The following MEF2A variants were observed in gnomAD, a reference collection of about 807,000 sequenced individuals.
MEF2A encodes myocyte-specific enhancer factor 2A.
MEF2A carries 28 observed loss-of-function variants against 55.8 expected under a neutral mutation model. The observed-to-expected ratio is 0.50, with a 90% confidence interval of 0.37 to 0.69. The LOEUF (loss-of-function observed/expected upper bound fraction) is 0.69, where lower values mean the gene tolerates loss of function less well. Ranked by LOEUF, MEF2A falls within the 30% of genes least tolerant of loss-of-function variation. The pLI is 0.00. For synonymous variants in MEF2A, 239 were observed against 227.1 expected (o/e 1.05, Z -0.47); for missense variants, 528 against 626.2 (o/e 0.84, Z 1.67).
rs747877505 is a variant in MEF2A at position 99,714,913 on chromosome 15, A to AG, written c.*2144dup. 1 of 148,020 alleles carries AG rather than the reference A, an allele frequency of 6.8e-6. No homozygotes were observed. Among genetic ancestry groups the AG allele is most frequent in the South Asian group, 2.1e-4 (1 of 4,690 alleles). The allele number at this position is 148,020 out of a possible 1,614,324, so 9.2% of individuals were successfully genotyped here. A position where few individuals can be genotyped will look rare whatever the true frequency, so the allele number is the denominator to read the frequency against. On this transcript the variant is annotated 3_prime_UTR_variant, in exon 12 of 12. Coordinates refer to ENST00000557942, the MANE Select transcript of MEF2A (RefSeq NM_001319206.4). The stretch of plus-strand genomic sequence containing the variant: ...ACTGACACATAGGTATGATCAGTGC[A>AG]GGAGAGACCTGCGCACCACAGGCTG...
intron 8 of MEF2A, among the ~76,000 whole-genome samples, chr15:99,702,149 A>C (rs2057463327): frequency 6.6e-6 from 1 of 152,258 alleles, no homozygotes; most frequent in African/African-American, 2.4e-5. Flanking sequence ...CTATAACAAA[A>C]CAGTTGAATA....
intron 1 of MEF2A, among the ~76,000 whole-genome samples, chr15:99,596,655 C>T (rs927002037): frequency 3.3e-5 from 5 of 152,126 alleles, no homozygotes; most frequent in Non-Finnish European, 5.9e-5. Flanking sequence ...GTTGAATCAC[C>T]GGATCATGCA....
intron 4 of MEF2A, among the ~76,000 whole-genome samples, chr15:99,664,187 A>G (rs1375873128): frequency 6.6e-6 from 1 of 152,214 alleles, no homozygotes; most frequent in African/African-American, 2.4e-5. Context: ...GAGACTAATA[A>G]TGTGTTACCT....
intron 4 of MEF2A, among the ~76,000 whole-genome samples, chr15:99,663,216 ATATT>A (rs1438628184): frequency 6.6e-6 from 1 of 152,154 alleles, no homozygotes; most frequent in African/African-American, 2.4e-5. Flanking sequence ...GTCCCTTGGG[ATATT>A]TATAAGTTCT....
intron 11 of MEF2A, among the ~76,000 whole-genome samples, chr15:99,711,312 G>A (rs1459909139): frequency 2.6e-5 from 4 of 152,184 alleles, no homozygotes; most frequent in African/African-American, 9.7e-5. Context: ...TATCAGTCAG[G>A]CTCCATAGGA....
chr15:99,690,862 C>A (rs182033393), intron 8 of MEF2A, among the ~76,000 whole-genome samples: 122 of 152,156 alleles, frequency 8.0e-4, no homozygotes, highest in African/African-American at 2.7e-3. Context: ...CACTTAGATA[C>A]AATAAATATA....
chr15:99,643,165 G>T (rs993102488), intron 3 of MEF2A, among the ~76,000 whole-genome samples: 2 of 152,074 alleles, frequency 1.3e-5, no homozygotes, highest in African/African-American at 4.8e-5. Flanking sequence ...TTTAGATTAC[G>T]TTACCTCTTT....
intron 4 of MEF2A, among the ~76,000 whole-genome samples, chr15:99,658,690 C>A (rs1267747817): frequency 2.6e-5 from 4 of 151,962 alleles, no homozygotes; most frequent in African/African-American, 9.7e-5. Flanking sequence ...AAACTATCCT[C>A]AAAAGAGTGC....
At chr15:99,696,193 G>C (rs909233652) in intron 8 of MEF2A, among the ~76,000 whole-genome samples, 1 of 152,172 alleles carries the variant, frequency 6.6e-6, no homozygotes, top group Non-Finnish European at 1.5e-5. Flanking sequence ...CTCAGTAACT[G>C]ATAGAACAAG....
intron 8 of MEF2A, among the ~76,000 whole-genome samples, chr15:99,693,307 C>T (rs1263665490): frequency 1.3e-5 from 2 of 152,098 alleles, no homozygotes; most frequent in Non-Finnish European, 2.9e-5. Flanking sequence ...AATGGTATAA[C>T]ATATTTATAA....
At chr15:99,680,068 T>G (rs555692556) in intron 7 of MEF2A, among the ~76,000 whole-genome samples, 1 of 152,286 alleles carries the variant, frequency 6.6e-6, no homozygotes, top group South Asian at 2.1e-4. Context: ...ATGCCAAGGT[T>G]GATGAAGTGA....
intron 4 of MEF2A, among the ~76,000 whole-genome samples, chr15:99,648,603 A>G (rs1596783156): frequency 6.6e-6 from 1 of 152,150 alleles, no homozygotes; most frequent in African/African-American, 2.4e-5. Flanking sequence ...TCTGAAAACA[A>G]CAACTTCCAT....
At chr15:99,671,246 C>G (rs1265231353) in intron 4 of MEF2A, 77 bp from the exon 5 acceptor site, 20 of 1,503,874 alleles carry the variant, frequency 1.3e-5, no homozygotes, top group Non-Finnish European at 1.7e-5. Context: ...TCCGTCTGTG[C>G]TCTCTTAATA....
At chr15:99,625,718 A>G (rs1381069163) in intron 2 of MEF2A, among the ~76,000 whole-genome samples, 16 of 152,002 alleles carry the variant, frequency 1.1e-4, no homozygotes, top group Admixed American at 1.0e-3. Context: ...CTTTTTCAGT[A>G]CTAATTTAGA....
At chr15:99,581,828 T>G (rs758937479) in intron 1 of MEF2A, among the ~76,000 whole-genome samples, 1 of 152,160 alleles carries the variant, frequency 6.6e-6, no homozygotes, top group African/African-American at 2.4e-5. Context: ...CAGGGAATGC[T>G]TCACGGAAGG....
intron 4 of MEF2A, among the ~76,000 whole-genome samples, chr15:99,654,202 A>G (rs1284094148): frequency 6.6e-6 from 1 of 152,132 alleles, no homozygotes; most frequent in Non-Finnish European, 1.5e-5. Context: ...ATATTTTGTG[A>G]AAGTTATTTG....
intron 1 of MEF2A, among the ~76,000 whole-genome samples, chr15:99,587,288 A>G (rs1260689737): frequency 1.3e-5 from 2 of 151,776 alleles, no homozygotes; most frequent in Non-Finnish European, 2.9e-5. Flanking sequence ...GCTCCCACTT[A>G]TGAGTGAGAA....
chr15:99,638,003 G>A (rs775887779), intron 3 of MEF2A, among the ~76,000 whole-genome samples: 8 of 152,150 alleles, frequency 5.3e-5, no homozygotes, highest in Non-Finnish European at 1.2e-4. Context: ...GTTTTAGTTT[G>A]CATTTCTCTG....
chr15:99,703,448 G>A (rs988557818), intron 9 of MEF2A, 63 bp downstream of exon 9: 65 of 1,524,760 alleles, frequency 4.3e-5, no homozygotes, highest in Admixed American at 1.0e-4. Context: ...ATTCTCTTAC[G>A]TGTTGTTATC....
Sources: gnomAD v4.1 joint callset for allele counts (sites outside exome capture counted in the v4.1 genomes callset) on GRCh38, gnomAD v4.1.1 for gene constraint, MANE v1.5 for transcripts, NCBI Gene and HGNC (gene_info 2026-07-23, HGNC 2026-07-21) for gene names.